Variants in SPEN observed in about 807,000 individuals in gnomAD.
The protein encoded by SPEN is msx2-interacting protein.
SPEN carries 18 observed loss-of-function variants against 269.9 expected under a neutral mutation model. That is an observed-to-expected ratio of 0.07 (90% confidence interval 0.05 to 0.10). The LOEUF (loss-of-function observed/expected upper bound fraction) is 0.10, where lower values mean the gene tolerates loss of function less well. Ranked by LOEUF, SPEN falls within the 10% of genes least tolerant of loss-of-function variation. The pLI, the probability that SPEN is intolerant of heterozygous loss-of-function variation, is 1.00. For missense variants in SPEN, 3,822 were observed against 4,631.2 expected (o/e 0.83, Z 5.07); for synonymous variants, 1,726 against 1,765.7 (o/e 0.98, Z 0.56).
chr1:15,887,013 C>G (rs1333857838), intron 3 of SPEN, among the ~76,000 whole-genome samples: 1 of 152,136 alleles, frequency 6.6e-6, no homozygotes, highest in East Asian at 1.9e-4. Flanking sequence ...GGTTCTTGCT[C>G]TGTCGCCCAG....
intron 3 of SPEN, among the ~76,000 whole-genome samples, chr1:15,892,509 A>G (rs2070800045): frequency 6.6e-6 from 1 of 152,212 alleles, no homozygotes; most frequent in East Asian, 1.9e-4. Flanking sequence ...TTCTTTTTTT[A>G]AATTCCCTAA....
intron 1 of SPEN, among the ~76,000 whole-genome samples, chr1:15,864,786 C>T (rs2070485697): frequency 1.3e-5 from 2 of 150,752 alleles, no homozygotes; most frequent in Admixed American, 6.7e-5. Context: ...GACTCAAACT[C>T]CCATCTTAAC....
chr1:15,851,452 G>C (rs2070334202), intron 1 of SPEN, among the ~76,000 whole-genome samples: 1 of 152,164 alleles, frequency 6.6e-6, no homozygotes, highest in South Asian at 2.1e-4. Flanking sequence ...GTTGAAGGGG[G>C]AAGGGAGGAG....
rs553160530 is a variant in SPEN, at chr1:15,933,749, A to G, written c.7509A>G (p.Thr2503=). The stretch of plus-strand genomic sequence containing the variant: ...CTACTAAGGTGACAGAGTGGATCAC[A>G]AGGCAGGAGGAGCCACGGGCTCAGT... ...SPPTKVTEWI[T]RQEEPRAQST... is the part of the protein sequence containing the mutation. The change falls in exon 11 of 15, where the codon ACA becomes ACG. Residue 2503 remains threonine (T), a synonymous_variant. Coordinates refer to ENST00000375759, the MANE Select transcript of SPEN (RefSeq NM_015001.3). This position sits in a 1 kb window ranked among gnomAD's most constrained non-coding sequence, Gnocchi z 5.7. The G allele has an allele frequency of 6.2e-7, 1 of 1,614,046 alleles. No individual in the cohort carries two copies.
intron 3 of SPEN, among the ~76,000 whole-genome samples, chr1:15,879,237 A>C (rs1215707767): frequency 6.6e-6 from 1 of 151,986 alleles, no homozygotes; most frequent in African/African-American, 2.4e-5. Context: ...GCTACTCAGG[A>C]GGCTGAGGCA....
intron 1 of SPEN, among the ~76,000 whole-genome samples, chr1:15,857,686 ATTGT>A: frequency 2.3e-5 from 1 of 43,546 alleles, no homozygotes; most frequent in Non-Finnish European, 7.2e-5. Context: ...TCATAAAAAA[ATTGT>A]TTTTTTTCTA....
chr1:15,888,706 C>T (rs767633909), intron 3 of SPEN, among the ~76,000 whole-genome samples: 13 of 151,814 alleles, frequency 8.6e-5, no homozygotes, highest in Non-Finnish European at 1.3e-4. Context: ...GATCTCGGCT[C>T]ACCGCGACCT....
chr1:15,918,160 A>G (rs141053103), intron 6 of SPEN, among the ~76,000 whole-genome samples: 15 of 152,310 alleles, frequency 9.8e-5, no homozygotes, highest in African/African-American at 3.4e-4. Context: ...TTATTTATTT[A>G]TTGATCTTTT....
At chr1:15,911,790 G>A (rs1239841517) in intron 5 of SPEN, among the ~76,000 whole-genome samples, 4 of 152,016 alleles carry the variant, frequency 2.6e-5, no homozygotes, top group African/African-American at 9.7e-5. Flanking sequence ...GTGAAACCCT[G>A]TTTCTACTAG....
intron 3 of SPEN, among the ~76,000 whole-genome samples, chr1:15,900,899 CA>C (rs1446519516): frequency 6.6e-6 from 1 of 151,570 alleles, no homozygotes; most frequent in Non-Finnish European, 1.5e-5. Context: ...ACTGTGACAA[CA>C]AAAATGTTGT....
intron 3 of SPEN, among the ~76,000 whole-genome samples, chr1:15,904,479 T>TAAAAAAA (rs1557750239): frequency 1.5e-3 from 120 of 81,054 alleles, no homozygotes; most frequent in Admixed American, 5.9e-3. Context: ...AAAAAAAAAG[T>TAAAAAAA]GAACTAAAAA....
chr1:15,888,767 G>T (rs2070762510), intron 3 of SPEN, among the ~76,000 whole-genome samples: 1 of 151,804 alleles, frequency 6.6e-6, no homozygotes, highest in African/African-American at 2.4e-5. Context: ...GGAATAGCTG[G>T]ATTACAGACA....
intron 1 of SPEN, among the ~76,000 whole-genome samples, chr1:15,854,275 A>G (rs940139755): frequency 6.6e-6 from 1 of 152,116 alleles, no homozygotes; most frequent in African/African-American, 2.4e-5. Flanking sequence ...CAGCCCCTTG[A>G]AACACATATA....
rs140791693 is a variant in SPEN at position 15,934,652 on chromosome 1, G to A, written c.8412G>A (p.Ala2804=). ...DDRPADAGSG[A]GLRVNTSEGV... ...GTCCGGCAGACGCGGGCTCAGGGGC[G>A]GGGCTGCGTGTGAACACTTCTGAAG... Residue 2804 remains alanine, a synonymous_variant, in exon 11 of 15, where the codon GCG becomes GCA. Transcript: ENST00000375759. The surrounding 1 kb of genome is among the most constrained non-coding windows in gnomAD (Gnocchi z 9.2). 8.1e-5 allele frequency: 130 copies of A among 1,614,028 alleles called. No individual in the cohort carries two copies. In the African/African-American group the frequency reaches 1.3e-3, roughly 17 times the overall value.
Position 15,909,391 on chromosome 1 carries a change from C to T in SPEN, c.952C>T (p.Pro318Ser), listed in dbSNP as rs2148728264. 6.2e-7 allele frequency: 1 copy of T among 1,614,194 alleles called. No individual in the cohort carries two copies. The highest frequency in any genetic ancestry group is 8.5e-7 in the Non-Finnish European group (1 of 1,180,030). Residue 318 changes from proline (P) to serine (S), a missense_variant, in exon 4 of 15, where the codon CCC becomes TCC. Physicochemically the swap from Pro to Ser is moderately conservative, Grantham distance 74. Coordinates refer to ENST00000375759, the MANE Select transcript of SPEN (RefSeq NM_015001.3). Reference sequence around the variant, plus strand: ...AGTTCAGTCTGCAGCAGTCCCTGCACCCACTTCCCAGTTGCTTTCATCTCT... The same window carrying T: ...AGTTCAGTCTGCAGCAGTCCCTGCATCCACTTCCCAGTTGCTTTCATCTCT... ...RSVQSAAVPAPTSQLLSSLEK... is the reference protein window; with the variant it reads ...RSVQSAAVPASTSQLLSSLEK...
At chr1:15,891,847 T>G (rs1249737740) in intron 3 of SPEN, among the ~76,000 whole-genome samples, 1 of 151,576 alleles carries the variant, frequency 6.6e-6, no homozygotes, top group Non-Finnish European at 1.5e-5. Context: ...TAAATTCACA[T>G]ATATCTCAGT....
At chr1:15,878,512 A>AC (rs1376392190) in intron 3 of SPEN, among the ~76,000 whole-genome samples, 2 of 152,152 alleles carry the variant, frequency 1.3e-5, no homozygotes, top group African/African-American at 4.8e-5. Context: ...AAAACTCTTA[A>AC]CTTCTTTTGA....
At position 15,933,433 on chromosome 1, in the gene SPEN, G is replaced by A. The variant is rs2071242629; in HGVS notation, c.7193G>A (p.Cys2398Tyr). The change falls in exon 11 of 15, where the codon TGT becomes TAT. Residue 2398 changes from cysteine (C) to tyrosine (Y), a missense_variant. Coordinates refer to ENST00000375759, the MANE Select transcript of SPEN (RefSeq NM_015001.3). The surrounding 1 kb of genome is among the most constrained non-coding windows in gnomAD (Gnocchi z 5.7). ...CCCCATTCCACTCCTCCTCAGTCAT[G>A]TACTTCTGACCTAAGCAAGATTCCC... ...EKPHSTPPQS[C>Y]TSDLSKIPST... The A allele has an allele frequency of 6.2e-7, 1 of 1,613,996 alleles. No individual in the cohort carries two copies. Among genetic ancestry groups the A allele is most frequent in the Non-Finnish European group, 8.5e-7 (1 of 1,180,034 alleles).
At chr1:15,916,491 CAT>C (rs1460056014) in intron 6 of SPEN, among the ~76,000 whole-genome samples, 1 of 147,004 alleles carries the variant, frequency 6.8e-6, no homozygotes, top group South Asian at 2.2e-4. Context: ...TTTGTTTACA[CAT>C]ATATATTTTC....
Sources: gnomAD v4.1 joint callset for allele counts (sites outside exome capture counted in the v4.1 genomes callset) on GRCh38, gnomAD v4.1.1 for gene constraint, Gnocchi (gnomAD v3.1) non-coding constraint, MANE v1.5 for transcripts, NCBI Gene and HGNC (gene_info 2026-07-23, HGNC 2026-07-21) for gene names.